Variants in SUCO observed in about 807,000 individuals in gnomAD.
SUCO encodes SUN domain containing ossification factor.
A neutral mutation model predicts 148.1 loss-of-function variants in SUCO; 57 were observed. That is an observed-to-expected ratio of 0.38 (90% CI 0.31 to 0.48). The LOEUF (loss-of-function observed/expected upper bound fraction) is 0.48, where lower values mean the gene tolerates loss of function less well. Among genes scored for constraint, SUCO ranks in the 20% least tolerant of loss-of-function variants. The probability of loss-of-function intolerance (pLI) is 0.96; values close to 1 mark genes in which losing one functional copy is unlikely to be tolerated. For synonymous variants in SUCO, 470 were observed against 502.7 expected (o/e 0.93, Z 0.87); for missense variants, 1,331 against 1,468.2 (o/e 0.91, Z 1.53).
Position 172,608,806 on chromosome 1 carries a change from A to G in SUCO, c.3321+4A>G. The G allele has an allele frequency of 6.4e-7, 1 of 1,552,308 alleles. No homozygotes were observed. The highest frequency in any genetic ancestry group is 8.8e-7 in the Non-Finnish European group (1 of 1,131,408). On this transcript the variant is annotated splice_donor_region_variant and intron_variant, in intron 23 of 23. Transcript: ENST00000263688. ...CAAGTTTTCTCCAGAAAAGAAGGTA[A>G]TTGTTTATTTCTTTTTAAGTTTATT...
intron 22 of SUCO, among the ~76,000 whole-genome samples, chr1:172,607,733 CTG>C (rs886408297): frequency 6.6e-6 from 1 of 151,648 alleles, no homozygotes; most frequent in Non-Finnish European, 1.5e-5. Context: ...AATAACATAA[CTG>C]TTTCTAGAAA....
At chr1:172,543,042 A>C (rs1652600934) in intron 1 of SUCO, 1 of 983,446 alleles carries the variant, frequency 1.0e-6, no homozygotes, top group African/African-American at 1.7e-5. Context: ...GAGTACATAA[A>C]AAAAAAAAAG....
intron 19 of SUCO, among the ~76,000 whole-genome samples, chr1:172,597,438 A>G (rs773953503): frequency 5.9e-5 from 9 of 152,200 alleles, no homozygotes; most frequent in Admixed American, 2.0e-4. Flanking sequence ...TTTCTTTAGC[A>G]TTATTCATAG....
chr1:172,596,020 C>T (rs530116859), intron 19 of SUCO, among the ~76,000 whole-genome samples: 1 of 152,242 alleles, frequency 6.6e-6, no homozygotes, highest in East Asian at 1.9e-4. Flanking sequence ...CGCTTCATTT[C>T]GTTCATTTGA....
chr1:172,604,254 T>A (rs1657715899), intron 22 of SUCO, among the ~76,000 whole-genome samples: 1 of 151,866 alleles, frequency 6.6e-6, no homozygotes, highest in African/African-American at 2.4e-5. Context: ...CCAAACAGAG[T>A]AGCTTTTTGC....
At chr1:172,609,786 T>G (rs374245496) in intron 23 of SUCO, 30 bp from the exon 24 acceptor site, 5 of 1,568,624 alleles carry the variant, frequency 3.2e-6, no homozygotes, top group Non-Finnish European at 4.3e-6. Flanking sequence ...GGAAGTATCA[T>G]TACTAACTTT....
chr1:172,535,837 T>C (rs1651973497), intron 1 of SUCO, among the ~76,000 whole-genome samples: 1 of 152,222 alleles, frequency 6.6e-6, no homozygotes, highest in Admixed American at 6.5e-5. Context: ...CATAATTTTG[T>C]AGATCTTGAT....
At chr1:172,532,556 C>T, upstream of SUCO, 1 of 1,613,882 alleles carries the variant, frequency 6.2e-7, no homozygotes, top group Non-Finnish European at 8.5e-7. Flanking sequence ...AGGGAAAGGG[C>T]TTGGTGCAGC....
At chr1:172,573,522 T>C (rs1018746549) in intron 9 of SUCO, among the ~76,000 whole-genome samples, 7 of 152,182 alleles carry the variant, frequency 4.6e-5, no homozygotes, top group Admixed American at 6.5e-5. Flanking sequence ...AAGACTATGA[T>C]AACTTTTTAA....
At chr1:172,558,486 T>C (rs1653908696) in intron 6 of SUCO, among the ~76,000 whole-genome samples, 4 of 151,828 alleles carry the variant, frequency 2.6e-5, no homozygotes, top group Admixed American at 2.6e-4. Flanking sequence ...CCATGAGTAG[T>C]TCAGTGTGCT....
intron 1 of SUCO, among the ~76,000 whole-genome samples, chr1:172,548,173 G>A (rs1004543764): frequency 2.0e-5 from 3 of 151,678 alleles, no homozygotes; most frequent in Non-Finnish European, 2.9e-5. Context: ...TGCCAGTTTT[G>A]CAATGTTTCT....
intron 6 of SUCO, among the ~76,000 whole-genome samples, chr1:172,564,199 G>A (rs1276310109): frequency 1.3e-5 from 2 of 152,270 alleles, no homozygotes; most frequent in Admixed American, 6.5e-5. Flanking sequence ...GAAATATGGG[G>A]TGGGAACCCC....
At chr1:172,580,949 A>G (rs1433428216) in intron 15 of SUCO, among the ~76,000 whole-genome samples, 1 of 46,554 alleles carries the variant, frequency 2.1e-5, no homozygotes, top group Non-Finnish European at 4.0e-5. Flanking sequence ...TAAAAATACA[A>G]AAATTAGCCA....
upstream of SUCO, chr1:172,532,518 C>G (rs1296296848): frequency 1.2e-6 from 2 of 1,613,676 alleles, no homozygotes; most frequent in Admixed American, 1.7e-5. Context: ...CAATCAACAT[C>G]TAGCTCAATG....
intron 6 of SUCO, among the ~76,000 whole-genome samples, chr1:172,566,531 T>C (rs1474482468): frequency 6.6e-6 from 1 of 152,244 alleles, no homozygotes; most frequent in Admixed American, 6.5e-5. Flanking sequence ...CTGGTGGTGT[T>C]AAACAGCAAC....
intron 19 of SUCO, among the ~76,000 whole-genome samples, chr1:172,594,002 G>C (rs1656880944): frequency 1.3e-5 from 2 of 152,224 alleles, no homozygotes; most frequent in South Asian, 4.1e-4. Context: ...GTTTAGTCTT[G>C]GGAGGGTGTA....
rs1429774530 is a variant in SUCO at position 172,577,523 on chromosome 1, C to A, written c.1264-16C>A. On this transcript the variant is annotated splice_polypyrimidine_tract_variant and intron_variant, in intron 11 of 23. Coordinates refer to ENST00000263688, the MANE Select transcript of SUCO (RefSeq NM_014283.5). ...TTGGAACTGATTTCTTTTTCTTTTC[C>A]TTTCTCTTGCTTCAGATGTTCATCA... The A allele has an allele frequency of 6.2e-7, 1 of 1,607,432 alleles. No individual in the cohort carries two copies. Among genetic ancestry groups the A allele is most frequent in the Non-Finnish European group, 8.5e-7 (1 of 1,177,654 alleles).
intron 1 of SUCO, among the ~76,000 whole-genome samples, chr1:172,539,417 G>A (rs1026257922): frequency 3.3e-5 from 5 of 152,242 alleles, no homozygotes; most frequent in African/African-American, 9.6e-5. Context: ...TGTCACAAGG[G>A]AATAGGAAAT....
At chr1:172,538,821 GGTCATACAGT>G (rs1168739076) in intron 1 of SUCO, among the ~76,000 whole-genome samples, 1 of 152,094 alleles carries the variant, frequency 6.6e-6, no homozygotes, top group Admixed American at 6.6e-5. Flanking sequence ...AGAGGTGTCG[GGTCATACAGT>G]GTCAGATCCC....
Sources: gnomAD v4.1 joint callset for allele counts (sites outside exome capture counted in the v4.1 genomes callset) on GRCh38, gnomAD v4.1.1 for gene constraint, MANE v1.5 for transcripts, NCBI Gene and HGNC (gene_info 2026-07-23, HGNC 2026-07-21) for gene names.